Variants in SLC45A2 observed in about 807,000 individuals in gnomAD.
SLC45A2 encodes membrane-associated transporter protein.
Under a neutral mutation model 45.5 loss-of-function variants are expected in SLC45A2, and 36 were observed. That is an observed-to-expected ratio of 0.79 (90% confidence interval 0.61 to 1.04). The LOEUF (loss-of-function observed/expected upper bound fraction) is 1.04. Among genes scored for constraint, SLC45A2 ranks in the 50% least tolerant of loss-of-function variants. The pLI is 0.00. For synonymous variants in SLC45A2, 306 were observed against 269.3 expected, an observed-to-expected ratio of 1.14 and a Z score of -1.33; for missense variants, 719 against 671.0, an observed-to-expected ratio of 1.07 and a Z score of -0.79.
intron 3 of SLC45A2, among the ~76,000 whole-genome samples, chr5:33,959,690 G>A (rs1579544156): frequency 6.6e-6 from 1 of 152,144 alleles, no homozygotes; most frequent in Admixed American, 6.5e-5. Context: ...GCGAGAGGCA[G>A]GTTGATGCGC....
intron 4 of SLC45A2, among the ~76,000 whole-genome samples, chr5:33,953,171 T>C (rs2111922817): frequency 6.7e-6 from 1 of 150,170 alleles, no homozygotes; most frequent in Non-Finnish European, 1.5e-5. Flanking sequence ...CATGTGTCTT[T>C]ATAGACAGCA....
At chr5:33,952,085 G>T (rs1031348063) in intron 4 of SLC45A2, among the ~76,000 whole-genome samples, 1 of 151,880 alleles carries the variant, frequency 6.6e-6, no homozygotes, top group Non-Finnish European at 1.5e-5. Flanking sequence ...ACCCTTCAAG[G>T]CCCAGACCAT....
intron 2 of SLC45A2, chr5:33,971,378 A>G (rs1354458905): frequency 2.1e-5 from 10 of 487,006 alleles, no homozygotes; most frequent in Non-Finnish European, 3.6e-5. Context: ...GACCACCATA[A>G]ACAGGAAAAA....
intron 2 of SLC45A2, 36 bp from the exon 3 acceptor site, chr5:33,964,052 CA>C (rs1404760870): frequency 1.9e-6 from 3 of 1,603,608 alleles, no homozygotes; most frequent in Non-Finnish European, 2.6e-6. Flanking sequence ...GCATATTTAG[CA>C]AATTATCGTT....
Position 33,951,535 on chromosome 5 carries a change from A to C in SLC45A2, c.1156+19T>G, listed in dbSNP as rs1366050457. The C allele has an allele frequency of 1.4e-5, 22 of 1,614,066 alleles. No homozygotes were observed. Among genetic ancestry groups the C allele is most frequent in the Non-Finnish European group, 1.9e-5 (22 of 1,179,982 alleles). On this transcript the variant is annotated intron_variant, in intron 5 of 6. Transcript: ENST00000296589. Reference sequence around the variant, plus strand: ...CCAGAAACTTTTAGAAGACATCCTTAGGAGAGAGAAAGACTTACAAGAATA... The same window carrying C: ...CCAGAAACTTTTAGAAGACATCCTTCGGAGAGAGAAAGACTTACAAGAATA...
chr5:33,981,704 T>C (rs1753076989), intron 2 of SLC45A2, among the ~76,000 whole-genome samples: 2 of 152,236 alleles, frequency 1.3e-5, no homozygotes, highest in Admixed American at 6.5e-5. Flanking sequence ...GCCAACCTTT[T>C]ACATAACTAA....
chr5:33,965,285 T>C (rs1236612462), intron 2 of SLC45A2, among the ~76,000 whole-genome samples: 2 of 152,220 alleles, frequency 1.3e-5, no homozygotes, highest in African/African-American at 2.4e-5. Flanking sequence ...TTACATAAAC[T>C]CTGACCTCAA....
chr5:33,947,542 AC>A (rs1305756564), intron 5 of SLC45A2, among the ~76,000 whole-genome samples, 168 bp from the exon 6 acceptor site: 2 of 152,228 alleles, frequency 1.3e-5, no homozygotes, highest in Admixed American at 6.5e-5. Flanking sequence ...GGCTTTTGGA[AC>A]CATTTTAAAG....
At chr5:33,964,736 G>C (rs1752555084) in intron 2 of SLC45A2, among the ~76,000 whole-genome samples, 1 of 152,186 alleles carries the variant, frequency 6.6e-6, no homozygotes, top group Admixed American at 6.5e-5. Flanking sequence ...GAGGGATACT[G>C]AGGAAAGGCT....
In SLC45A2 at chr5:33,964,006, AC is replaced by A. The variant is rs1403514043; in HGVS notation, c.572del (p.Gly191ValfsTer10). Reference sequence around the variant, plus strand: ...TAGCACCCAAAAGGTAACCCAGGGCACCTCCAAAACCTGGAAAGCAAGAAAA... The same window carrying A: ...TAGCACCCAAAAGGTAACCCAGGGCACTCCAAAACCTGGAAAGCAAGAAAA... ...HYHALFTGFG[G>X]ALGYLLGAID... On this transcript the variant is annotated frameshift_variant, in exon 3 of 7. Transcript: ENST00000296589. LOFTEE classifies it high-confidence loss of function. 6.2e-7 allele frequency: 1 copy of A among 1,613,684 alleles called. No homozygotes were observed. The highest frequency in any genetic ancestry group is 8.5e-7 in the Non-Finnish European group (1 of 1,179,756).
intron 6 of SLC45A2, 158 bp downstream of exon 6, chr5:33,947,005 C>T: frequency 1.3e-6 from 2 of 1,582,358 alleles, no homozygotes; most frequent in Admixed American, 1.7e-5. Context: ...GGTGAGCATG[C>T]CTGTACCAGA....
chr5:33,973,618 G>A (rs944962567), intron 2 of SLC45A2, among the ~76,000 whole-genome samples: 8 of 152,074 alleles, frequency 5.3e-5, no homozygotes, highest in African/African-American at 1.9e-4. Context: ...TTGCATGTTC[G>A]CATTTTTTGT....
At chr5:33,967,513 G>A (rs1040356903) in intron 2 of SLC45A2, among the ~76,000 whole-genome samples, 4 of 152,124 alleles carry the variant, frequency 2.6e-5, no homozygotes, top group Admixed American at 2.6e-4. Context: ...TCTTTTGAGT[G>A]GCCAGGTGAC....
chr5:33,981,350 C>T (rs1753066028), intron 2 of SLC45A2, among the ~76,000 whole-genome samples: 1 of 152,172 alleles, frequency 6.6e-6, no homozygotes, highest in Non-Finnish European at 1.5e-5. Context: ...AAACTATGAG[C>T]AAAACTTGAA....
chr5:33,946,978 C>T, intron 6 of SLC45A2, 185 bp downstream of exon 6: 1 of 1,534,596 alleles, frequency 6.5e-7, no homozygotes, highest in Non-Finnish European at 8.7e-7. Flanking sequence ...GACAGGACAG[C>T]TGGGCTGGGC....
intron 3 of SLC45A2, among the ~76,000 whole-genome samples, chr5:33,960,764 AT>A (rs887690681): frequency 6.6e-6 from 1 of 151,928 alleles, no homozygotes; most frequent in Non-Finnish European, 1.5e-5. Context: ...ATGGAAATAC[AT>A]TTTTTTTAAA....
intron 2 of SLC45A2, among the ~76,000 whole-genome samples, chr5:33,977,467 G>A (rs1056249640): frequency 7.2e-5 from 11 of 152,086 alleles, no homozygotes; most frequent in African/African-American, 1.7e-4. Context: ...TCTAGTCCCC[G>A]ACCAAGTTAG....
intron 2 of SLC45A2, among the ~76,000 whole-genome samples, chr5:33,969,044 A>ACTCTCTCTCTCTCTCTCTCTCTCTCTCT (rs11272324): frequency 2.2e-5 from 2 of 90,468 alleles, no homozygotes; most frequent in Admixed American, 1.1e-4. Context: ...AGTACCAGCT[A>ACTCTCTCTCTCTCTCTCTCTCTCTCTCT]CTCTCTCTCT....
intron 2 of SLC45A2, among the ~76,000 whole-genome samples, chr5:33,965,425 C>T (rs1422472719): frequency 6.6e-6 from 1 of 152,218 alleles, no homozygotes; most frequent in Non-Finnish European, 1.5e-5. Context: ...GGAGGACCAA[C>T]AATCTAATCA....
Sources: gnomAD v4.1 joint callset for allele counts (sites outside exome capture counted in the v4.1 genomes callset) on GRCh38, gnomAD v4.1.1 for gene constraint, MANE v1.5 for transcripts, NCBI Gene and HGNC (gene_info 2026-07-23, HGNC 2026-07-21) for gene names.